The following MAP2 variants were observed in gnomAD, a reference collection of about 807,000 sequenced individuals.
MAP2 encodes microtubule-associated protein 2.
Under a neutral mutation model 137.6 loss-of-function variants are expected in MAP2, and 14 were observed. That is an observed-to-expected ratio of 0.10 (90% confidence interval 0.07 to 0.16). The LOEUF is 0.16. Ranked by LOEUF, MAP2 falls within the 10% of genes least tolerant of loss-of-function variation. The pLI is 1.00. For missense variants in MAP2, 2,088 were observed against 2,191.5 expected (o/e 0.95, Z 0.94); for synonymous variants, 786 against 782.3 (o/e 1.00, Z -0.08).
chr2:209,558,520 A>G (rs1296507908), intron 2 of MAP2, among the ~76,000 whole-genome samples: 1 of 151,926 alleles, frequency 6.6e-6, no homozygotes, highest in African/African-American at 2.4e-5. Context: ...ACTGTTTGCA[A>G]GACACTTCAC....
intron 7 of MAP2, among the ~76,000 whole-genome samples, chr2:209,683,250 G>A (rs1001692939): frequency 6.6e-6 from 1 of 152,150 alleles, no homozygotes; most frequent in African/African-American, 2.4e-5. Context: ...GCTGTTTCAA[G>A]ATATTCAAGG....
chr2:209,637,885 A>T (rs2093695549), intron 4 of MAP2, among the ~76,000 whole-genome samples: 1 of 152,064 alleles, frequency 6.6e-6, no homozygotes, highest in Admixed American at 6.6e-5. Flanking sequence ...ATTTTTTTAA[A>T]TTCACTCTTG....
chr2:209,527,200 A>G (rs1336799606), intron 2 of MAP2, among the ~76,000 whole-genome samples: 2 of 152,180 alleles, frequency 1.3e-5, no homozygotes, highest in Non-Finnish European at 2.9e-5. Context: ...GAAATAAAAA[A>G]GAACACTTAA....
chr2:209,508,099 G>T (rs2061287809), intron 2 of MAP2, among the ~76,000 whole-genome samples: 1 of 152,014 alleles, frequency 6.6e-6, no homozygotes. Context: ...AAAAATTTCA[G>T]TTAGCAGAGT....
chr2:209,430,927 C>CA (rs200239676), intron 1 of MAP2, among the ~76,000 whole-genome samples: 7,847 of 152,248 alleles, frequency 0.052, 307 homozygotes, highest in East Asian at 0.19. Context: ...GCCACTGTAT[C>CA]TCAGACTAAA....
At chr2:209,489,809 A>G (rs751302558) in intron 1 of MAP2, among the ~76,000 whole-genome samples, 7 of 152,228 alleles carry the variant, frequency 4.6e-5, no homozygotes, top group Non-Finnish European at 8.8e-5. Context: ...CGCCAAACCT[A>G]CAATTGATTG....
At chr2:209,552,645 G>A (rs533028859) in intron 2 of MAP2, among the ~76,000 whole-genome samples, 99 of 152,106 alleles carry the variant, frequency 6.5e-4, no homozygotes, top group African/African-American at 1.8e-3. Flanking sequence ...GGTGGATCAC[G>A]AGGTCAGGAG....
chr2:209,646,340 G>A (rs1264910967), intron 4 of MAP2, among the ~76,000 whole-genome samples: 1 of 152,162 alleles, frequency 6.6e-6, no homozygotes, highest in African/African-American at 2.4e-5. Context: ...CAACAGTAGT[G>A]TTACAGATTT....
chr2:209,569,778 TTGA>T (rs1241740073), intron 2 of MAP2, among the ~76,000 whole-genome samples: 1 of 151,874 alleles, frequency 6.6e-6, no homozygotes, highest in Non-Finnish European at 1.5e-5. Flanking sequence ...ACCATGATGT[TTGA>T]TGATTTCTAA....
chr2:209,729,793 G>A (rs2075403964), intron 14 of MAP2, 57 bp from the exon 15 acceptor site: 40 of 1,203,510 alleles, frequency 3.3e-5, no homozygotes, highest in East Asian at 4.7e-5. Context: ...TCATTTTTGG[G>A]AAATAGTTAC....
chr2:209,669,031 C>T (rs1276152413), intron 5 of MAP2, among the ~76,000 whole-genome samples: 2 of 151,992 alleles, frequency 1.3e-5, no homozygotes, highest in African/African-American at 2.4e-5. Flanking sequence ...TCTGTCAAGT[C>T]ATTTCAGGTG....
chr2:209,594,594 G>A (rs1156973449), intron 3 of MAP2, among the ~76,000 whole-genome samples: 5 of 152,098 alleles, frequency 3.3e-5, no homozygotes, highest in Non-Finnish European at 5.9e-5. Flanking sequence ...GGGTTACACT[G>A]TATTTTTGAC....
chr2:209,642,321 C>T (rs1181472519), intron 4 of MAP2, among the ~76,000 whole-genome samples: 1 of 151,302 alleles, frequency 6.6e-6, no homozygotes, highest in African/African-American at 2.4e-5. Flanking sequence ...ATAATCTTAG[C>T]TACTCAGGAG....
intron 1 of MAP2, among the ~76,000 whole-genome samples, chr2:209,499,239 C>G (rs745521954): frequency 6.6e-6 from 1 of 152,098 alleles, no homozygotes; most frequent in Non-Finnish European, 1.5e-5. Flanking sequence ...TCCAAAGACC[C>G]CTAGGGTATG....
rs2064934175 is a variant in MAP2 at position 209,710,097 on chromosome 2, C to T, written c.4916C>T (p.Pro1639Leu). 5 of 1,613,818 alleles carry T rather than the reference C, an allele frequency of 3.1e-6. No homozygotes were observed. Among genetic ancestry groups the T allele is most frequent in the African/African-American group, 2.7e-5 (2 of 74,834 alleles). The change falls in exon 13 of 16, where the codon CCG (proline) becomes CTG (leucine). Residue 1639 changes from proline to leucine, a missense_variant. By Grantham distance (98) the Pro-to-Leu change is moderately conservative. Around this residue, in one of 6 missense-constraint regions of MAP2, gnomAD observed 591 missense variants for 642.6 expected, o/e 0.92. Transcript: ENST00000682079. ...PGTPKSAILV[P>L]SEKKVAIIRT... ...ACCCCCAAGTCTGCCATCTTGGTGCCGAGTGAGAAGAAGGTCGCCATCATA... is the reference window on the plus strand; with the variant it reads ...ACCCCCAAGTCTGCCATCTTGGTGCTGAGTGAGAAGAAGGTCGCCATCATA...
At chr2:209,546,474 AGT>A (rs1000271412) in intron 2 of MAP2, among the ~76,000 whole-genome samples, 20 of 152,346 alleles carry the variant, frequency 1.3e-4, no homozygotes, top group Admixed American at 9.8e-4. Flanking sequence ...GTGTCTGGAC[AGT>A]GTCTGTGGAG....
Position 209,693,068 on chromosome 2 carries a change from G to T in MAP2, c.898G>T (p.Asp300Tyr). ...CATGAGGGAAAAAGATGTATTTGATGATATCCCAAAATGGGAAGGGAAACA... is the reference window on the plus strand; with the variant it reads ...CATGAGGGAAAAAGATGTATTTGATTATATCCCAAAATGGGAAGGGAAACA... ...TPMREKDVFDDIPKWEGKQFD... is the reference protein window; with the variant it reads ...TPMREKDVFDYIPKWEGKQFD... Residue 300 changes from aspartate to tyrosine, a missense_variant, in exon 8 of 16, where the codon GAT becomes TAT. Physicochemically the swap from Asp to Tyr is radical, Grantham distance 160 (BLOSUM62 -3). This residue lies in a region of MAP2 where 859 missense variants were observed against 794.5 expected (regional missense o/e 1.08). Transcript: ENST00000682079. 2 of 1,613,204 alleles carry T rather than the reference G, an allele frequency of 1.2e-6. No homozygotes were observed. Among genetic ancestry groups the T allele is most frequent in the Non-Finnish European group, 1.7e-6 (2 of 1,179,732 alleles).
intron 3 of MAP2, among the ~76,000 whole-genome samples, chr2:209,598,581 A>G (rs1479290978): frequency 1.4e-3 from 198 of 141,674 alleles, no homozygotes; most frequent in African/African-American, 5.0e-3. Flanking sequence ...TATATCTCCC[A>G]ATGCTATCCC....
chr2:209,725,024 G>A (rs2153811281), intron 13 of MAP2, among the ~76,000 whole-genome samples: 1 of 152,314 alleles, frequency 6.6e-6, no homozygotes, highest in Admixed American at 6.5e-5. Flanking sequence ...GTTTAAATAT[G>A]CAGACATCCT....
Sources: gnomAD v4.1 joint callset for allele counts (sites outside exome capture counted in the v4.1 genomes callset) on GRCh38, gnomAD v4.1.1 for gene constraint, gnomAD v4.1.1 regional missense constraint, MANE v1.5 for transcripts, NCBI Gene and HGNC (gene_info 2026-07-23, HGNC 2026-07-21) for gene names.